FAM120A: variants seen among roughly 807,000 people sequenced by gnomAD.
FAM120A encodes the protein family with sequence similarity 120 member A, also known as constitutive coactivator of PPAR-gamma-like protein 1.
FAM120A carries 15 observed loss-of-function variants against 109.7 expected under a neutral mutation model. That is an observed-to-expected ratio of 0.14 (90% CI 0.09 to 0.21). FAM120A has a LOEUF of 0.21. Ranked by LOEUF, FAM120A falls within the 10% of genes least tolerant of loss-of-function variation. FAM120A has a pLI of 1.00. For synonymous variants in FAM120A, 493 were observed against 572.8 expected, an observed-to-expected ratio of 0.86 and a Z score of 1.99; for missense variants, 899 against 1,439.3, an observed-to-expected ratio of 0.62 and a Z score of 6.07.
chr9:93,528,531 G>A (rs959895500), intron 8 of FAM120A, among the ~76,000 whole-genome samples: 2 of 152,034 alleles, frequency 1.3e-5, no homozygotes, highest in Non-Finnish European at 1.5e-5. Context: ...CTACTGCCTC[G>A]CAGCAGTCCA....
chr9:93,469,195 C>G (rs1044944476), intron 1 of FAM120A, among the ~76,000 whole-genome samples: 1 of 152,226 alleles, frequency 6.6e-6, no homozygotes, highest in Non-Finnish European at 1.5e-5. Flanking sequence ...GCATTGTTCA[C>G]CACCCTGTGA....
intron 11 of FAM120A, among the ~76,000 whole-genome samples, chr9:93,545,391 C>T (rs1041548436): frequency 9.2e-5 from 14 of 152,238 alleles, no homozygotes; most frequent in Admixed American, 7.2e-4. Flanking sequence ...TCATAGGGTA[C>T]GGTCTAGCAT....
At chr9:93,538,356 A>C (rs1433556282) in intron 10 of FAM120A, among the ~76,000 whole-genome samples, 2 of 152,190 alleles carry the variant, frequency 1.3e-5, no homozygotes, top group Admixed American at 6.5e-5. Context: ...CTGCTTAAAA[A>C]TTAGGGGGCA....
At chr9:93,503,595 G>A (rs1301796321) in intron 5 of FAM120A, among the ~76,000 whole-genome samples, 1 of 152,100 alleles carries the variant, frequency 6.6e-6, no homozygotes, top group East Asian at 1.9e-4. Context: ...GGATGATTAG[G>A]CAGATTTTTG....
chr9:93,457,533 C>T (rs750291842), intron 1 of FAM120A, among the ~76,000 whole-genome samples: 5 of 152,128 alleles, frequency 3.3e-5, no homozygotes, highest in East Asian at 1.9e-4. Flanking sequence ...TATCCAACCC[C>T]GACAGATGGT....
Position 93,532,202 on chromosome 9 carries a change from C to A in FAM120A, c.1782C>A (p.Asp594Glu). 6.2e-7 allele frequency: 1 copy of A among 1,614,194 alleles called. No individual in the cohort carries two copies. The change falls in exon 10 of 18, where the codon GAC becomes GAA. Residue 594 changes from aspartate to glutamate, a missense_variant. Coordinates refer to ENST00000277165, the MANE Select transcript of FAM120A (RefSeq NM_014612.5). This position sits in a 1 kb window ranked among gnomAD's most constrained non-coding sequence, Gnocchi z 4.3. ...CTATTGAAGATGAAGCCAACAAGGA[C>A]CTGCCTCCGGCCGCTCTGCTCTATA... is the stretch of plus-strand genomic sequence containing the variant. Reference protein sequence around the residue: ...AVSIEDEANKDLPPAALLYRP... With the variant: ...AVSIEDEANKELPPAALLYRP...
rs138522128 is a variant in FAM120A at position 93,523,818 on chromosome 9, C to A, written c.1419-3337C>A. On this transcript the variant is annotated intron_variant, in intron 7 of 17. Transcript: ENST00000277165. ...GTGTTCCTGACATTTTAAGCTCACCCATTATGTGAAGGAAACTGAATGTGT... is the reference window on the plus strand; with the variant it reads ...GTGTTCCTGACATTTTAAGCTCACCAATTATGTGAAGGAAACTGAATGTGT... Among the ~76,000 whole-genome samples, 3 of 152,240 alleles carry A rather than the reference C, an allele frequency of 2.0e-5. No homozygotes were observed. The East Asian group carries it at 5.8e-4, about 29-fold the overall frequency.
chr9:93,541,747 C>T lies in FAM120A; in HGVS notation c.1910-1475C>T, dbSNP rs1275972419. Among the ~76,000 whole-genome samples the T allele has an allele frequency of 4.6e-5, 7 of 152,288 alleles. No individual in the cohort carries two copies. The East Asian group carries it at 9.6e-4, about 21-fold the overall frequency. On this transcript the variant is annotated intron_variant, in intron 10 of 17. Transcript: ENST00000277165. ...CCCCAGCTCTGCCCGGCAGGCTTCACGTAAGGGGACACTATCTGGAGTTGG... is the reference window on the plus strand; with the variant it reads ...CCCCAGCTCTGCCCGGCAGGCTTCATGTAAGGGGACACTATCTGGAGTTGG...
Position 93,529,288 on chromosome 9 carries a change from A to T in FAM120A, c.1507-65A>T, listed in dbSNP as rs554611598. The T allele has an allele frequency of 1.1e-5, 15 of 1,415,650 alleles. No individual in the cohort carries two copies. The South Asian group carries it at 1.9e-4, about 18-fold the overall frequency. 87.7% of individuals were successfully genotyped at this position (1,415,650 alleles called of 1,614,324 possible). A position where few individuals can be genotyped will look rare whatever the true frequency, so the allele number is the denominator to read the frequency against. ...TCTGTCAGGTGAACAGGCACCTACC[A>T]TACTTTAAATGAATGAAAACATGAC... is the stretch of plus-strand genomic sequence containing the variant. On this transcript the variant is annotated intron_variant, in intron 8 of 17. Transcript: ENST00000277165.
At position 93,486,759 on chromosome 9, in the gene FAM120A, C is replaced by T. The variant is rs151011316; in HGVS notation, c.804+10421C>T. Among the ~76,000 whole-genome samples the T allele has an allele frequency of 1.7e-3, 255 of 152,150 alleles. 3 individuals are homozygous for T. The highest frequency in any genetic ancestry group is 6.1e-3 in the Admixed American group (93 of 15,284). On this transcript the variant is annotated intron_variant, in intron 3 of 17. Coordinates refer to ENST00000277165, the MANE Select transcript of FAM120A (RefSeq NM_014612.5). ...ATGTTGGCCAGGCTGGCCTCAAACT[C>T]CTGACCTCAAGTGATCTGCCTGCCT...
intron 10 of FAM120A, among the ~76,000 whole-genome samples, chr9:93,540,851 A>T (rs976460593): frequency 1.3e-4 from 20 of 151,824 alleles, no homozygotes; most frequent in Non-Finnish European, 2.1e-4. Context: ...TCTACCAATA[A>T]TTTTTTTTTA....
intron 5 of FAM120A, among the ~76,000 whole-genome samples, chr9:93,505,535 A>G (rs1002723849): frequency 6.6e-6 from 1 of 152,222 alleles, no homozygotes; most frequent in Non-Finnish European, 1.5e-5. Flanking sequence ...AATGTCAAAT[A>G]CATGAATTTT....
chr9:93,471,037 T>G (rs1410278596), intron 1 of FAM120A, 104 bp from the exon 2 acceptor site: 1 of 1,396,248 alleles, frequency 7.2e-7, no homozygotes, highest in Non-Finnish European at 9.8e-7. Context: ...ACGGATAGTT[T>G]TCATAAATGT....
intron 10 of FAM120A, among the ~76,000 whole-genome samples, chr9:93,541,661 C>T (rs916310373): frequency 1.1e-4 from 17 of 152,144 alleles, no homozygotes; most frequent in East Asian, 3.9e-4. Context: ...AAGACATTTG[C>T]CTAATGAGAG....
chr9:93,524,240 A>G (rs1860971086), intron 7 of FAM120A, among the ~76,000 whole-genome samples: 1 of 152,142 alleles, frequency 6.6e-6, no homozygotes, highest in Admixed American at 6.5e-5. Flanking sequence ...TCCTGTTGAC[A>G]CAGAAGTCAG....
chr9:93,474,447 A>G (rs554990748), intron 2 of FAM120A, among the ~76,000 whole-genome samples: 9 of 152,294 alleles, frequency 5.9e-5, no homozygotes, highest in African/African-American at 2.2e-4. Context: ...AAGTATAGCT[A>G]TATAAAGTAT....
chr9:93,544,978 A>G (rs547395290), intron 11 of FAM120A, among the ~76,000 whole-genome samples: 4 of 152,186 alleles, frequency 2.6e-5, no homozygotes, highest in African/African-American at 4.8e-5. Context: ...TTTTATCAGC[A>G]TGAACTCAGA....
At chr9:93,470,907 C>G (rs1858280111) in intron 1 of FAM120A, among the ~76,000 whole-genome samples, 1 of 152,118 alleles carries the variant, frequency 6.6e-6, no homozygotes, top group Non-Finnish European at 1.5e-5. Flanking sequence ...GATTTACAGT[C>G]TAGATGGGAT....
intron 7 of FAM120A, 64 bp from the exon 8 acceptor site, chr9:93,527,088 CCTT>C (rs1564345376): frequency 1.5e-6 from 2 of 1,302,122 alleles, no homozygotes; most frequent in Non-Finnish European, 2.2e-6. Flanking sequence ...TAGCTGAGGC[CCTT>C]CTTATCATTG....
Sources: allele counts gnomAD v4.1 joint callset (sites outside exome capture counted in the v4.1 genomes callset), GRCh38; gene constraint gnomAD v4.1.1; non-coding constraint Gnocchi (gnomAD v3.1); transcripts MANE v1.5; gene names NCBI Gene and HGNC (gene_info 2026-07-23, HGNC 2026-07-21).